The following NSUN7 variants were observed in gnomAD, a reference collection of about 807,000 sequenced individuals.
NSUN7 encodes NOP2/Sun RNA methyltransferase family member 7.
A neutral mutation model predicts 58.5 loss-of-function variants in NSUN7; 39 were observed. That is an observed-to-expected ratio of 0.67 (90% CI 0.52 to 0.87). NSUN7 has a LOEUF of 0.87. Ranked by LOEUF, NSUN7 falls within the 40% of genes least tolerant of loss-of-function variation. NSUN7 has a pLI of 0.00. For missense variants in NSUN7, 765 were observed against 844.1 expected (o/e 0.91, Z 1.16); for synonymous variants, 278 against 303.7 (o/e 0.92, Z 0.88).
Position 40,750,731 on chromosome 4 carries a change from A to G in NSUN7, c.38A>G (p.Glu13Gly). The change falls in exon 2 of 12, where the codon GAA (glutamate) becomes GGA (glycine). Residue 13 changes from glutamate (E) to glycine (G), a missense_variant. Transcript: ENST00000381782. ...NSTGELEFSN[E>G]EDPEIISQLT... The stretch of plus-strand genomic sequence containing the variant: ...ACGGGCGAACTGGAGTTTTCGAACG[A>G]AGAAGATCCCGAGATCATCTCCCAA... The G allele has an allele frequency of 6.2e-7, 1 of 1,613,994 alleles. No homozygotes were observed. The highest frequency in any genetic ancestry group is 8.5e-7 in the Non-Finnish European group (1 of 1,179,920).
intron 3 of NSUN7, among the ~76,000 whole-genome samples, chr4:40,760,734 G>C (rs918451275): frequency 6.6e-6 from 1 of 151,932 alleles, no homozygotes; most frequent in Admixed American, 6.6e-5. Flanking sequence ...GGTGGCACAT[G>C]CCTGTAATCC....
chr4:40,776,681 T>C (rs1019955723), intron 7 of NSUN7, among the ~76,000 whole-genome samples: 2 of 152,006 alleles, frequency 1.3e-5, no homozygotes, highest in African/African-American at 4.8e-5. Flanking sequence ...ACTGATATGA[T>C]CACAGTTCAC....
Position 40,808,406 on chromosome 4 carries a change from GAGA to G in NSUN7, c.1635_1637del (p.Lys547del), listed in dbSNP as rs772748878. The G allele has an allele frequency of 6.2e-5, 100 of 1,614,002 alleles. No homozygotes were observed. The highest frequency in any genetic ancestry group is 9.3e-5 in the African/African-American group (7 of 74,982). ...TGAGTTGGGTAAATCATCAAAACGG[GAGA>G]AGAAGAAGAAAAAATCAAAAACATC... is the stretch of plus-strand genomic sequence containing the variant. On this transcript the variant is annotated inframe_deletion, in exon 12 of 12. Coordinates refer to ENST00000381782, the MANE Select transcript of NSUN7 (RefSeq NM_024677.6).
chr4:40,792,477 A>T (rs141360752), intron 8 of NSUN7, among the ~76,000 whole-genome samples: 10 of 152,214 alleles, frequency 6.6e-5, no homozygotes, highest in African/African-American at 9.6e-5. Flanking sequence ...ACTGGCCGGG[A>T]GCGGTGGCTC....
At chr4:40,756,956 C>T (rs934796312) in intron 2 of NSUN7, among the ~76,000 whole-genome samples, 5 of 152,134 alleles carry the variant, frequency 3.3e-5, no homozygotes, top group Non-Finnish European at 7.3e-5. Flanking sequence ...AAGGGCCAGG[C>T]GTGGTGCCTC....
At chr4:40,794,208 G>A (rs565968656) in intron 8 of NSUN7, among the ~76,000 whole-genome samples, 167 bp from the exon 9 acceptor site, 3 of 151,828 alleles carry the variant, frequency 2.0e-5, no homozygotes, top group Admixed American at 1.3e-4. Context: ...TAACTTTATT[G>A]TTCTAATTTT....
intron 7 of NSUN7, among the ~76,000 whole-genome samples, chr4:40,781,778 G>A (rs1005612042): frequency 2.0e-5 from 3 of 152,012 alleles, no homozygotes; most frequent in Non-Finnish European, 4.4e-5. Flanking sequence ...ACTAAATGCT[G>A]TTTACCAGAA....
chr4:40,793,141 A>G (rs1391936481), intron 8 of NSUN7, among the ~76,000 whole-genome samples: 1 of 151,916 alleles, frequency 6.6e-6, no homozygotes, highest in Non-Finnish European at 1.5e-5. Context: ...TAGAACAGAG[A>G]AAAAAAATGT....
chr4:40,757,628 T>TTGTGTGTATATATAC (rs1560544929), intron 2 of NSUN7, among the ~76,000 whole-genome samples: 1 of 143,756 alleles, frequency 7.0e-6, no homozygotes, highest in African/African-American at 2.6e-5. Context: ...TATATATATA[T>TTGTGTGTATATATAC]ACATTGTGTG....
At chr4:40,780,792 CAT>C (rs765088042) in intron 7 of NSUN7, among the ~76,000 whole-genome samples, 1,133 of 98,684 alleles carry the variant, frequency 0.011, 17 homozygotes, top group Middle Eastern at 0.019. Context: ...CACACATACA[CAT>C]ATATATATAT....
At position 40,803,031 on chromosome 4, in the gene NSUN7, G is replaced by A. The variant is rs535360559; in HGVS notation, c.1401-4030G>A. ...AATTCCCATCTATGAGTGAGAACAC[G>A]TGGTGTTTGGTTTTTTGTCCTTGTG... is the stretch of plus-strand genomic sequence containing the variant. On this transcript the variant is annotated intron_variant, in intron 10 of 11. Coordinates refer to ENST00000381782, the MANE Select transcript of NSUN7 (RefSeq NM_024677.6). Among the ~76,000 whole-genome samples, 5 of 144,616 alleles carry A rather than the reference G, an allele frequency of 3.5e-5. No individual in the cohort carries two copies. The South Asian group carries it at 8.7e-4, about 25-fold the overall frequency. The allele number at this position is 144,616 out of a possible 152,430, so 94.9% of individuals were successfully genotyped here. A position where few individuals can be genotyped will look rare whatever the true frequency, so the allele number is the denominator to read the frequency against.
chr4:40,754,779 A>G (rs1741056673), intron 2 of NSUN7, among the ~76,000 whole-genome samples: 1 of 152,092 alleles, frequency 6.6e-6, no homozygotes. Flanking sequence ...ATAACAGAAA[A>G]TCTCTTAATT....
intron 4 of NSUN7, among the ~76,000 whole-genome samples, chr4:40,770,764 C>G (rs2154287402): frequency 6.6e-6 from 1 of 152,188 alleles, no homozygotes; most frequent in Non-Finnish European, 1.5e-5. Context: ...TAAAAATAAA[C>G]TGAGGTGGCT....
At chr4:40,761,743 C>T (rs1741474062) in intron 4 of NSUN7, among the ~76,000 whole-genome samples, 1 of 152,120 alleles carries the variant, frequency 6.6e-6, no homozygotes, top group Non-Finnish European at 1.5e-5. Flanking sequence ...AACAAACTAA[C>T]ATCTTAAATT....
At chr4:40,763,020 G>A (rs980754757) in intron 4 of NSUN7, among the ~76,000 whole-genome samples, 9 of 151,380 alleles carry the variant, frequency 5.9e-5, no homozygotes, top group African/African-American at 2.2e-4. Context: ...ACTGGTCCCT[G>A]GTACCAAAAA....
At chr4:40,779,380 GA>G (rs1483022542) in intron 7 of NSUN7, among the ~76,000 whole-genome samples, 1 of 152,144 alleles carries the variant, frequency 6.6e-6, no homozygotes, top group Admixed American at 6.5e-5. Flanking sequence ...GAGGCTGGCG[GA>G]TCACAAGGTC....
At chr4:40,791,869 A>C (rs1207080808) in intron 8 of NSUN7, among the ~76,000 whole-genome samples, 1 of 152,190 alleles carries the variant, frequency 6.6e-6, no homozygotes, top group Admixed American at 6.5e-5. Flanking sequence ...GTGTTCTTCT[A>C]ATTGTAGAGG....
At chr4:40,786,839 T>C (rs1742847487) in intron 7 of NSUN7, 2 of 940,944 alleles carry the variant, frequency 2.1e-6, no homozygotes, top group Non-Finnish European at 3.1e-6. Context: ...AGCTTTGTTT[T>C]GTTGAACAAT....
intron 9 of NSUN7, among the ~76,000 whole-genome samples, chr4:40,797,989 T>C (rs1162041959): frequency 6.6e-6 from 1 of 152,218 alleles, no homozygotes; most frequent in Admixed American, 6.5e-5. Flanking sequence ...TGCTTTTCTC[T>C]AAATAGCTCT....
Sources: gnomAD v4.1 joint callset for allele counts (sites outside exome capture counted in the v4.1 genomes callset) on GRCh38, gnomAD v4.1.1 for gene constraint, MANE v1.5 for transcripts, NCBI Gene and HGNC (gene_info 2026-07-23, HGNC 2026-07-21) for gene names.